The following PSPC1 variants were observed in gnomAD, a reference collection of about 807,000 sequenced individuals.
PSPC1 encodes paraspeckle component 1.
PSPC1 carries 14 observed loss-of-function variants against 51.6 expected under a neutral mutation model. The observed-to-expected ratio is 0.27, with a 90% CI of 0.18 to 0.42. The LOEUF (loss-of-function observed/expected upper bound fraction) is 0.42, where lower values mean the gene tolerates loss of function less well. Ranked by LOEUF, PSPC1 falls within the 10% of genes least tolerant of loss-of-function variation. The probability of loss-of-function intolerance (pLI) is 1.00; values close to 1 mark genes in which losing one functional copy is unlikely to be tolerated. For synonymous variants in PSPC1, 193 were observed against 231.9 expected, an observed-to-expected ratio of 0.83 and a Z score of 1.53; for missense variants, 406 against 701.1, an observed-to-expected ratio of 0.58 and a Z score of 4.75.
intron 6 of PSPC1, among the ~76,000 whole-genome samples, chr13:19,689,410 A>C (rs865984622): frequency 1.2e-4 from 19 of 152,236 alleles, no homozygotes; most frequent in Admixed American, 3.3e-4. Context: ...GAAAAAAATG[A>C]GTTTTGGCAA....
intron 1 of PSPC1, among the ~76,000 whole-genome samples, chr13:19,781,927 G>A (rs1379365141): frequency 3.3e-5 from 5 of 152,214 alleles, no homozygotes; most frequent in African/African-American, 7.2e-5. Context: ...CGTCTGGTCC[G>A]ACTTAAGCTT....
At chr13:19,775,880 C>G (rs1437433747) in intron 1 of PSPC1, among the ~76,000 whole-genome samples, 2 of 152,084 alleles carry the variant, frequency 1.3e-5, no homozygotes, top group Non-Finnish European at 2.9e-5. Flanking sequence ...GAAACCCCGT[C>G]TCTACTAAAA....
chr13:19,753,614 T>C (rs1886784128), intron 3 of PSPC1, among the ~76,000 whole-genome samples: 1 of 152,148 alleles, frequency 6.6e-6, no homozygotes, highest in Non-Finnish European at 1.5e-5. Context: ...GGGAAAACAA[T>C]TCCCACTCCA....
chr13:19,715,331 C>T (rs1881966806), intron 6 of PSPC1, among the ~76,000 whole-genome samples: 1 of 152,078 alleles, frequency 6.6e-6, no homozygotes, highest in South Asian at 2.1e-4. Flanking sequence ...GTAAATTAAC[C>T]TAACAAATAT....
rs542656577 is a variant in PSPC1 at position 19,682,149 on chromosome 13, G to T, written c.1159-4326C>A. On this transcript the variant is annotated intron_variant and NMD_transcript_variant, in intron 6 of 7. Coordinates refer to the PSPC1 transcript ENST00000471658. ...TTGATGTAATATAACCTCAATAGAT[G>T]AACAAATTATTTAACATATTAAAAT... Among the ~76,000 whole-genome samples the T allele has an allele frequency of 6.6e-5, 10 of 152,192 alleles. No homozygotes were observed. In the East Asian group the frequency reaches 1.9e-3, roughly 29 times the overall value.
chr13:19,761,368 G>A (rs1253286861), intron 2 of PSPC1, among the ~76,000 whole-genome samples: 1 of 152,086 alleles, frequency 6.6e-6, no homozygotes, highest in African/African-American at 2.4e-5. Context: ...ATGGCACACT[G>A]ATATTAAAAT....
chr13:19,737,079 A>T (rs749311563), intron 5 of PSPC1: 4 of 152,118 alleles, frequency 2.6e-5, no homozygotes, highest in Non-Finnish European at 5.9e-5. Context: ...TCCATTTCTG[A>T]CTTGGGCCAG....
At chr13:19,679,449 T>C (rs1291358621) in intron 6 of PSPC1, among the ~76,000 whole-genome samples, 3 of 152,048 alleles carry the variant, frequency 2.0e-5, no homozygotes, top group African/African-American at 7.2e-5. Flanking sequence ...TGAGCTGAGA[T>C]CACACCACTG....
At position 19,761,602 on chromosome 13, in the gene PSPC1, G is replaced by C. The variant is rs564850077; in HGVS notation, c.675-2184C>G. Among the ~76,000 whole-genome samples the C allele has an allele frequency of 5.3e-5, 8 of 152,296 alleles. 1 individual carries two copies. The highest frequency in any genetic ancestry group is 1.9e-4 in the African/African-American group (8 of 41,566). ...TTTTCAAAATTATTACTGAGTTAGT[G>C]AAGACATTTTAAGGAAACAGTTAAA... On this transcript the variant is annotated intron_variant, in intron 2 of 8. Transcript: ENST00000338910.
intron 1 of PSPC1, 127 bp from the exon 2 acceptor site, chr13:19,772,670 C>CT (rs1245923198): frequency 1.2e-6 from 1 of 837,748 alleles, no homozygotes; most frequent in African/African-American, 1.7e-5. Flanking sequence ...GATTTTGTAT[C>CT]TTTTAACTTT....
intron 6 of PSPC1, among the ~76,000 whole-genome samples, chr13:19,722,501 A>G (rs969819093): frequency 9.9e-5 from 15 of 151,864 alleles, no homozygotes; most frequent in Admixed American, 8.5e-4. Context: ...GCCTGTCTTA[A>G]AAAAATTTTC....
At chr13:19,677,580 T>C (rs1398265540) in intron 7 of PSPC1, 1 of 339,724 alleles carries the variant, frequency 2.9e-6, no homozygotes, top group Non-Finnish European at 5.7e-6. Flanking sequence ...TTCATAAATA[T>C]TCTACTGACT....
At chr13:19,766,110 C>T (rs1473732324) in intron 2 of PSPC1, among the ~76,000 whole-genome samples, 3 of 152,180 alleles carry the variant, frequency 2.0e-5, no homozygotes, top group African/African-American at 4.8e-5. Context: ...CAGTGGCTCA[C>T]GCCTGTAATC....
In PSPC1 at chr13:19,782,895, A is replaced by T; in HGVS notation, c.-138T>A. On this transcript the variant is annotated 5_prime_UTR_variant, in exon 1 of 9. It introduces an in-frame stop codon into an upstream open reading frame of the 5' UTR. Transcript: ENST00000338910. The surrounding 1 kb of genome is among the most constrained non-coding windows in gnomAD (Gnocchi z 4.5). ...GAGACCGCTAGGTAGGCGAGTCGGC[A>T]ACCCGTCCTCCCCCAACTCACGCCC... 1 of 1,001,242 alleles carries T rather than the reference A, an allele frequency of 1.0e-6. No individual in the cohort carries two copies. Among genetic ancestry groups the T allele is most frequent in the South Asian group, 3.0e-5 (1 of 33,238 alleles). 62.0% of individuals were successfully genotyped at this position (1,001,242 alleles called of 1,614,324 possible). A position where few individuals can be genotyped will look rare whatever the true frequency, so the allele number is the denominator to read the frequency against.
intron 4 of PSPC1, 121 bp downstream of exon 4, chr13:19,751,150 G>A: frequency 3.0e-6 from 2 of 669,444 alleles, no homozygotes; most frequent in Non-Finnish European, 4.5e-6. Context: ...CACCTAATAT[G>A]TTGAGTTCCA....
intron 1 of PSPC1, among the ~76,000 whole-genome samples, chr13:19,780,320 G>A (rs1439231226): frequency 6.0e-5 from 8 of 132,610 alleles, no homozygotes; most frequent in African/African-American, 1.9e-4. Context: ...GTGCCCAACA[G>A]CTCATTGAGA....
intron 5 of PSPC1, among the ~76,000 whole-genome samples, chr13:19,735,088 G>C (rs541329606): frequency 2.0e-5 from 3 of 152,214 alleles, no homozygotes; most frequent in South Asian, 4.1e-4. Context: ...AAGGTGGGCT[G>C]ATCATCTGAG....
At chr13:19,699,306 T>TA (rs1351806631), downstream of PSPC1, 1 of 130,100 alleles carries the variant, frequency 7.7e-6, no homozygotes, top group Admixed American at 8.8e-5. Context: ...TTAGACACTA[T>TA]AAATTTTTTT....
chr13:19,696,178 A>T (rs752363913), intron 6 of PSPC1, among the ~76,000 whole-genome samples: 1 of 152,178 alleles, frequency 6.6e-6, no homozygotes, highest in African/African-American at 2.4e-5. Flanking sequence ...GAAGATACCA[A>T]ATTCTATTTT....
Sources: allele counts gnomAD v4.1 joint callset (sites outside exome capture counted in the v4.1 genomes callset), GRCh38; gene constraint gnomAD v4.1.1; non-coding constraint Gnocchi (gnomAD v3.1); transcripts MANE v1.5; gene names NCBI Gene and HGNC (gene_info 2026-07-23, HGNC 2026-07-21).